The following SF3B3 variants were observed in gnomAD, a reference collection of about 807,000 sequenced individuals.
The protein encoded by SF3B3 is splicing factor 3b subunit 3, also known as SAP 130.
SF3B3 carries 33 observed loss-of-function variants against 139.2 expected under a neutral mutation model. That is an observed-to-expected ratio of 0.24 (90% CI 0.18 to 0.32). The LOEUF is 0.32. Ranked by LOEUF, SF3B3 falls within the 10% of genes least tolerant of loss-of-function variation. The pLI is 1.00. For missense variants in SF3B3, 818 were observed against 1,509.4 expected (o/e 0.54, Z 7.59); for synonymous variants, 596 against 563.6 (o/e 1.06, Z -0.81).
In SF3B3 at chr16:70,538,782, G is replaced by A. The variant is rs568023075; in HGVS notation, c.963+322G>A. Reference sequence around the variant, plus strand: ...CTGTTACTTGTTTTATCCTATGGACGAGCTCTGTGAGTTGTTGGGCAATTT... The same window carrying A: ...CTGTTACTTGTTTTATCCTATGGACAAGCTCTGTGAGTTGTTGGGCAATTT... On this transcript the variant is annotated intron_variant, in intron 7 of 25. Transcript: ENST00000302516. 6.5e-4 allele frequency among the ~76,000 whole-genome samples: 99 copies of A among 152,312 alleles called. 1 individual carries two copies. The highest frequency in any genetic ancestry group is 2.3e-3 in the African/African-American group (95 of 41,568).
At chr16:70,564,897 T>C (rs2050461138) in intron 18 of SF3B3, among the ~76,000 whole-genome samples, 168 bp from the exon 19 acceptor site, 1 of 152,254 alleles carries the variant, frequency 6.6e-6, no homozygotes, top group African/African-American at 2.4e-5. Context: ...TTCCCTAGTC[T>C]GTACACCTCT....
rs1272598271 is a variant in SF3B3 at position 70,544,499 on chromosome 16, G to A, written c.1295G>A (p.Arg432Gln). 5.6e-6 allele frequency: 9 copies of A among 1,611,430 alleles called. No individual in the cohort carries two copies. Among genetic ancestry groups the A allele is most frequent in the Admixed American group, 1.7e-5 (1 of 60,000 alleles). Residue 432 changes from arginine (R) to glutamine (Q), a missense_variant, in exon 10 of 26, where the codon CGA (arginine) becomes CAA (glutamine). Physicochemically the swap from Arg to Gln is conservative, Grantham distance 43 (BLOSUM62 1). Transcript: ENST00000302516. ...TATGTGGCCTGTGGTAGGGGACCCC[G>A]ATCATCTCTGAGAGTCCTAAGACAT... ...QLYVACGRGP[R>Q]SSLRVLRHGL...
chr16:70,538,183 T>G (rs1038697423), intron 6 of SF3B3, 140 bp from the exon 7 acceptor site: 13 of 809,972 alleles, frequency 1.6e-5, no homozygotes, highest in Non-Finnish European at 2.6e-5. Flanking sequence ...TCCAGTGCTC[T>G]GGCTGGCAGG....
chr16:70,546,891 G>C (rs992585959), intron 10 of SF3B3, among the ~76,000 whole-genome samples: 2 of 152,096 alleles, frequency 1.3e-5, no homozygotes, highest in African/African-American at 4.8e-5. Context: ...AGCCAGGCGT[G>C]GTGGCGGGCG....
intron 5 of SF3B3, among the ~76,000 whole-genome samples, chr16:70,535,094 A>G (rs1372045604): frequency 2.6e-5 from 4 of 152,218 alleles, no homozygotes. Context: ...ACATTTGGAT[A>G]CGTTATCCAG....
rs1222386703 is a variant in SF3B3 at position 70,563,986 on chromosome 16, T to C, written c.2399T>C (p.Ile800Thr). ...IHPESNNLII[I>T]ETDHNAYTEA... Reference sequence around the variant, plus strand: ...CCTGAGAGTAACAACCTTATTATCATTGAAACGGACCACAATGCCTACACT... The same window carrying C: ...CCTGAGAGTAACAACCTTATTATCACTGAAACGGACCACAATGCCTACACT... The change falls in exon 18 of 26, where the codon ATT (isoleucine) becomes ACT (threonine). Residue 800 changes from isoleucine (I) to threonine (T), a missense_variant. By Grantham distance (89) the Ile-to-Thr change is moderately conservative (BLOSUM62 -1). This residue lies in a region of SF3B3 where 34 missense variants were observed against 30.5 expected (regional missense o/e 1.12). Transcript: ENST00000302516. 1 of 1,614,120 alleles carries C rather than the reference T, an allele frequency of 6.2e-7. No individual in the cohort carries two copies. The highest frequency in any genetic ancestry group is 8.5e-7 in the Non-Finnish European group (1 of 1,180,022).
At chr16:70,538,799 G>A (rs1184268117) in intron 7 of SF3B3, among the ~76,000 whole-genome samples, 4 of 152,118 alleles carry the variant, frequency 2.6e-5, no homozygotes, top group Non-Finnish European at 5.9e-5. Flanking sequence ...GTGAGTTGTT[G>A]GGCAATTTCT....
chr16:70,564,383 C>T (rs541456775), intron 18 of SF3B3, among the ~76,000 whole-genome samples: 1 of 152,130 alleles, frequency 6.6e-6, no homozygotes, highest in Non-Finnish European at 1.5e-5. Flanking sequence ...AGTTTAAACT[C>T]CTGTAATTGT....
Position 70,529,105 on chromosome 16 carries a change from G to T in SF3B3, c.303G>T (p.Lys101Asn). 6.2e-7 allele frequency: 1 copy of T among 1,614,222 alleles called. No homozygotes were observed. The highest frequency in any genetic ancestry group is 8.5e-7 in the Non-Finnish European group (1 of 1,180,044). ...EYQPSKNMFEKIHQETFGKSG... is the reference protein window; with the variant it reads ...EYQPSKNMFENIHQETFGKSG... ...AGCCATCTAAGAATATGTTTGAGAAGATTCACCAAGAAACCTTTGGCAAGA... is the reference window on the plus strand; with the variant it reads ...AGCCATCTAAGAATATGTTTGAGAATATTCACCAAGAAACCTTTGGCAAGA... Residue 101 changes from lysine to asparagine, a missense_variant, in exon 3 of 26, where the codon AAG becomes AAT. Around this residue, in one of 14 missense-constraint regions of SF3B3, gnomAD observed 144 missense variants for 259.2 expected, o/e 0.56. Transcript: ENST00000302516.
intron 23 of SF3B3, among the ~76,000 whole-genome samples, 178 bp downstream of exon 23, chr16:70,569,319 T>G (rs2050506932): frequency 6.6e-6 from 1 of 152,232 alleles, no homozygotes; most frequent in South Asian, 2.1e-4. Context: ...AGCGAGTTTC[T>G]TAGAGAGAGT....
intron 17 of SF3B3, among the ~76,000 whole-genome samples, chr16:70,563,245 C>T (rs545721808): frequency 6.6e-6 from 1 of 152,330 alleles, no homozygotes; most frequent in Non-Finnish European, 1.5e-5. Context: ...GCTGAGATTA[C>T]AGGCGTGAGC....
intron 5 of SF3B3, among the ~76,000 whole-genome samples, chr16:70,534,041 A>G (rs578202258): frequency 6.6e-6 from 1 of 152,340 alleles, no homozygotes; most frequent in African/African-American, 2.4e-5. Flanking sequence ...ATAAATAACC[A>G]AAACAATTAC....
chr16:70,535,474 A>C (rs912164506), intron 6 of SF3B3, 54 bp downstream of exon 6: 46 of 1,027,262 alleles, frequency 4.5e-5, no homozygotes, highest in Non-Finnish European at 6.3e-5. Context: ...TTGTGATTAC[A>C]GTGTAGTCTC....
At chr16:70,546,413 A>G (rs1374410052) in intron 10 of SF3B3, among the ~76,000 whole-genome samples, 1 of 152,214 alleles carries the variant, frequency 6.6e-6, no homozygotes, top group African/African-American at 2.4e-5. Context: ...GCACTTTAGG[A>G]GGCTGAAGCA....
chr16:70,555,006 G>C, intron 12 of SF3B3, 45 bp from the exon 13 acceptor site: 2 of 1,586,810 alleles, frequency 1.3e-6, no homozygotes, highest in South Asian at 2.2e-5. Flanking sequence ...TCTGAGTGAT[G>C]AATCAAATTG....
intron 3 of SF3B3, 103 bp from the exon 4 acceptor site, chr16:70,530,642 T>C (rs2050112583): frequency 1.3e-5 from 13 of 973,248 alleles, no homozygotes; most frequent in Non-Finnish European, 1.9e-5. Flanking sequence ...GTTACTGCTG[T>C]TAATAATGAT....
intron 15 of SF3B3, among the ~76,000 whole-genome samples, chr16:70,559,708 T>G (rs1409926977): frequency 6.6e-6 from 1 of 151,702 alleles, no homozygotes; most frequent in Non-Finnish European, 1.5e-5. Flanking sequence ...AAATAAAAAT[T>G]TAAAAAAATA....
At chr16:70,554,208 C>T (rs2050358300) in intron 11 of SF3B3, 1 of 398,270 alleles carries the variant, frequency 2.5e-6, no homozygotes, top group African/African-American at 2.0e-5. Context: ...CCTCTCACTT[C>T]TTTAGCAGAT....
intron 15 of SF3B3, 82 bp from the exon 16 acceptor site, chr16:70,560,387 G>A (rs1352430274): frequency 1.4e-6 from 2 of 1,431,554 alleles, no homozygotes; most frequent in African/African-American, 2.9e-5. Context: ...AATTTCTTAT[G>A]TGAAGTACCC....
Sources: gnomAD v4.1 joint callset for allele counts (sites outside exome capture counted in the v4.1 genomes callset) on GRCh38, gnomAD v4.1.1 for gene constraint, gnomAD v4.1.1 regional missense constraint, MANE v1.5 for transcripts, NCBI Gene and HGNC (gene_info 2026-07-23, HGNC 2026-07-21) for gene names.